Variants in INSL6 observed in about 807,000 individuals in gnomAD.
INSL6 encodes the protein insulin-like peptide INSL6.
INSL6 carries 16 observed loss-of-function variants against 9.4 expected under a neutral mutation model. The observed-to-expected ratio is 1.70, with a 90% CI of 1.15 to 2.59. The LOEUF is 2.59. Among genes scored for constraint, INSL6 ranks in the 30% most tolerant of loss-of-function variants. The pLI is 0.00. For missense variants in INSL6, 391 were observed against 257.3 expected, an observed-to-expected ratio of 1.52 and a Z score of -3.56; for synonymous variants, 154 against 96.9, an observed-to-expected ratio of 1.59 and a Z score of -3.46.
intron 3 of INSL6, chr9:5,127,217 A>G (rs1824055708): frequency 4.3e-6 from 1 of 233,586 alleles, no homozygotes; most frequent in African/African-American, 2.2e-5. Context: ...TTTTACACAC[A>G]TGAGGGCTGG....
chr9:5,127,514 T>A, intron 3 of INSL6: 1 of 231,288 alleles, frequency 4.3e-6, no homozygotes. Flanking sequence ...AAAGATATAA[T>A]CTATTTTATT....
At chr9:5,006,891 A>C in the INSL6 span, among the ~76,000 whole-genome samples, 1 of 152,212 alleles carries the variant, frequency 6.6e-6, no homozygotes, top group East Asian at 1.9e-4. Flanking sequence ...AAATTGTTTT[A>C]AAAGGAACTT....
chr9:5,034,651 C>T, the INSL6 span, among the ~76,000 whole-genome samples: 2 of 151,830 alleles, frequency 1.3e-5, no homozygotes, highest in Admixed American at 6.6e-5. Flanking sequence ...GGGTACATAA[C>T]GAAATGACGG....
chr9:5,002,315 A>G, the INSL6 span, among the ~76,000 whole-genome samples: 2 of 151,880 alleles, frequency 1.3e-5, no homozygotes, highest in African/African-American at 4.8e-5. Context: ...TTTTAGCTGT[A>G]TTCCCCCAAA....
At chr9:5,148,042 G>C (rs1364892641) in intron 2 of INSL6, among the ~76,000 whole-genome samples, 1 of 152,134 alleles carries the variant, frequency 6.6e-6, no homozygotes, top group Non-Finnish European at 1.5e-5. Context: ...TGCCATTTCA[G>C]ACAATTCAGA....
the INSL6 span, chr9:5,054,497 A>G: frequency 5.9e-6 from 8 of 1,366,268 alleles, no homozygotes; most frequent in East Asian, 2.3e-5. This position sits in a 1 kb window ranked among gnomAD's most constrained non-coding sequence, Gnocchi z 4.9. Flanking sequence ...TTCTTTTTCA[A>G]TTTTTAGATT....
the INSL6 span, chr9:5,066,860 C>T: frequency 3.2e-6 from 2 of 615,544 alleles, no homozygotes. Flanking sequence ...TATTTATTTA[C>T]CATATTTCCT....
At chr9:5,179,043 G>C (rs974821310) in intron 1 of INSL6, among the ~76,000 whole-genome samples, 21 of 98,112 alleles carry the variant, frequency 2.1e-4, no homozygotes, top group Non-Finnish European at 2.4e-4. Context: ...CTTCTGCACA[G>C]CAAAAAAAAA....
chr9:5,079,045 A>G, the INSL6 span, among the ~76,000 whole-genome samples: 2 of 152,194 alleles, frequency 1.3e-5, no homozygotes, highest in African/African-American at 4.8e-5. Context: ...TTTAGATTCT[A>G]AATTGATCAA....
intron 2 of INSL6, among the ~76,000 whole-genome samples, chr9:5,153,177 T>A (rs953353172): frequency 1.5e-4 from 23 of 151,762 alleles, no homozygotes; most frequent in African/African-American, 5.6e-4. Context: ...GCGCCTGGAA[T>A]GTCAGTGAGA....
chr9:5,019,675 G>C, the INSL6 span, among the ~76,000 whole-genome samples: 2 of 151,848 alleles, frequency 1.3e-5, no homozygotes, highest in African/African-American at 4.8e-5. Context: ...CCATTTTTTT[G>C]AATTTGCTTT....
Position 5,164,116 on chromosome 9 carries a change from A to T in INSL6, c.439T>A (p.Phe147Ile). The T allele has an allele frequency of 6.2e-7, 1 of 1,612,684 alleles. No homozygotes were observed. Among genetic ancestry groups the T allele is most frequent in the Non-Finnish European group, 8.5e-7 (1 of 1,179,626 alleles). Residue 147 changes from phenylalanine to isoleucine, a missense_variant, in exon 2 of 2, where the codon TTT becomes ATT. Phe to Ile is a conservative substitution (Grantham distance 21, BLOSUM62 0). Coordinates refer to ENST00000381641, the MANE Select transcript of INSL6 (RefSeq NM_007179.3). ...ATTTTGTTTCTACGTTTCTTCTGAA[A>T]TTTTGCATTCTCATGAATATATACA... ...INVYIHENAK[F>I]QKKRRNKIKT...
the INSL6 span, among the ~76,000 whole-genome samples, chr9:5,075,292 G>C: frequency 6.6e-6 from 1 of 152,214 alleles, no homozygotes. Flanking sequence ...CTAACAAACA[G>C]ATTTTCAAAT....
At chr9:5,007,338 C>A in the INSL6 span, among the ~76,000 whole-genome samples, 1 of 152,018 alleles carries the variant, frequency 6.6e-6, no homozygotes, top group Non-Finnish European at 1.5e-5. Flanking sequence ...ACCATGGGTT[C>A]TATGAAAATA....
the INSL6 span, among the ~76,000 whole-genome samples, chr9:5,016,524 A>G: frequency 7.9e-5 from 12 of 152,164 alleles, no homozygotes; most frequent in African/African-American, 2.9e-4. Context: ...TGAAAAATGA[A>G]TTTTTTCCTG....
rs1327290825 is a variant in INSL6 at position 5,147,809 on chromosome 9, C to T, written c.377-14217G>A. Reference sequence around the variant, plus strand: ...AAACTGGTCTCTGAGCTCTGAGATTCTTTCCTCGGGTTGGTGTGTTCTTCC... The same window carrying T: ...AAACTGGTCTCTGAGCTCTGAGATTTTTTCCTCGGGTTGGTGTGTTCTTCC... On this transcript the variant is annotated intron_variant, in intron 2 of 3. Coordinates refer to the INSL6 transcript ENST00000649639. 2.0e-5 allele frequency among the ~76,000 whole-genome samples: 3 copies of T among 152,252 alleles called. No homozygotes were observed. In the East Asian group the frequency reaches 5.8e-4, roughly 29 times the overall value.
At chr9:5,167,835 G>A (rs931009196) in intron 1 of INSL6, among the ~76,000 whole-genome samples, 11 of 152,268 alleles carry the variant, frequency 7.2e-5, no homozygotes, top group African/African-American at 2.2e-4. Flanking sequence ...CATCAGGTTA[G>A]CACCCCTCTG....
At chr9:5,171,097 G>A (rs562894547) in intron 1 of INSL6, among the ~76,000 whole-genome samples, 48 of 152,202 alleles carry the variant, frequency 3.2e-4, no homozygotes, top group Non-Finnish European at 4.7e-4. Context: ...ATAAAATACT[G>A]GCAAACCAAA....
the INSL6 span, among the ~76,000 whole-genome samples, chr9:5,023,051 C>T: frequency 1.3e-5 from 2 of 152,160 alleles, no homozygotes; most frequent in Non-Finnish European, 2.9e-5. Context: ...TTGAAAAATA[C>T]AATACATTGT....
Sources: allele counts gnomAD v4.1 joint callset (sites outside exome capture counted in the v4.1 genomes callset), GRCh38; gene constraint gnomAD v4.1.1; non-coding constraint Gnocchi (gnomAD v3.1); transcripts MANE v1.5; gene names NCBI Gene and HGNC (gene_info 2026-07-23, HGNC 2026-07-21).